The following LHX1 variants were observed in gnomAD, a reference collection of about 807,000 sequenced individuals.
LHX1 encodes the protein LIM/homeobox protein Lhx1.
In LHX1, 9 loss-of-function variants were observed where a neutral mutation model predicts 34.1. The observed-to-expected ratio is 0.26, with a 90% CI of 0.16 to 0.46. The LOEUF is 0.46. LHX1 is among the 20% of genes least tolerant of loss of function. The pLI, the probability that LHX1 is intolerant of heterozygous loss-of-function variation, is 1.00. For missense variants in LHX1, 446 were observed against 559.1 expected (o/e 0.80, Z 2.04); for synonymous variants, 254 against 241.5 (o/e 1.05, Z -0.48).
In LHX1 at chr17:36,943,197, GA is replaced by G. The variant is rs35033250; in HGVS notation, c.*77del. The G allele has an allele frequency of 0.012, 15,867 of 1,303,952 alleles. 118 individuals are homozygous for G. The highest frequency in any genetic ancestry group is 0.046 in the African/African-American group (3,088 of 66,610). The allele number at this position is 1,303,952 out of a possible 1,614,324, so 80.8% of individuals were successfully genotyped here. ...AATGAACCTTTATTTAAGAAAAATA[GA>G]AAAAAAAAAACATAAAAAGCAAGTC... is the stretch of plus-strand genomic sequence containing the variant. On this transcript the variant is annotated 3_prime_UTR_variant, in exon 5 of 5. Transcript: ENST00000614239.
rs1418434233 is a variant in LHX1 at position 36,940,764 on chromosome 17, C to T, written c.552C>T (p.Arg184=). The part of the protein sequence containing the change: ...QNLGAKRRGP[R]TTIKAKQLET... ...TGGGCGCCAAGCGGCGGGGACCGCG[C>T]ACCACCATCAAAGCCAAGCAGCTGG... is the stretch of plus-strand genomic sequence containing the variant. The change falls in exon 3 of 5, where the codon CGC becomes CGT. Residue 184 remains arginine (R), a synonymous_variant. Coordinates refer to ENST00000614239, the MANE Select transcript of LHX1 (RefSeq NM_005568.5). 3 of 1,613,582 alleles carry T rather than the reference C, an allele frequency of 1.9e-6. No individual in the cohort carries two copies. Among genetic ancestry groups the T allele is most frequent in the Admixed American group, 3.3e-5 (2 of 60,028 alleles).
At chr17:36,938,886 A>G in intron 1 of LHX1, 1 of 259,884 alleles carries the variant, frequency 3.8e-6, no homozygotes, top group South Asian at 4.3e-5. Flanking sequence ...TCGGCCTTAA[A>G]GCCGATCCTG....
chr17:36,938,955 T>C (rs1255408450), intron 1 of LHX1: 1 of 197,620 alleles, frequency 5.1e-6, no homozygotes, highest in Non-Finnish European at 1.1e-5. Context: ...CTGGACAAAC[T>C]GCTGCACTGT....
At chr17:36,941,202 C>T in intron 3 of LHX1, 1 of 644,710 alleles carries the variant, frequency 1.6e-6, no homozygotes, top group Non-Finnish European at 2.9e-6. Context: ...TGCACATACC[C>T]CACCCCACCT....
chr17:36,939,919 T>G, intron 1 of LHX1: 4 of 401,630 alleles, frequency 1.0e-5, no homozygotes, highest in Non-Finnish European at 1.8e-5. Flanking sequence ...AAGTGCCCCG[T>G]TCCCCCCGCC....
In LHX1 at chr17:36,942,967, G is replaced by C. The variant is rs746882089; in HGVS notation, c.1057G>C (p.Asp353His). The C allele has an allele frequency of 6.8e-6, 11 of 1,610,536 alleles. No individual in the cohort carries two copies. The Admixed American group carries it at 1.8e-4, about 27-fold the overall frequency. Residue 353 changes from aspartate (D) to histidine (H), a missense_variant, in exon 5 of 5, where the codon GAC becomes CAC. Asp to His is a moderately conservative substitution (Grantham distance 81). Coordinates refer to ENST00000614239, the MANE Select transcript of LHX1 (RefSeq NM_005568.5). ...FTDILAHPPGDSPSPEPSLPG... is the reference protein window; with the variant it reads ...FTDILAHPPGHSPSPEPSLPG... ...CGACATCCTGGCGCACCCACCCGGG[G>C]ACTCGCCCAGCCCCGAGCCCAGCCT...
Position 36,937,771 on chromosome 17 carries a change from C to T in LHX1, c.-427C>T, listed in dbSNP as rs1398723311. 2 of 471,722 alleles carry T rather than the reference C, an allele frequency of 4.2e-6. No individual in the cohort carries two copies. Among genetic ancestry groups the T allele is most frequent in the Admixed American group, 2.3e-5 (1 of 42,866 alleles). The allele number at this position is 471,722 out of a possible 1,614,324, so 29.2% of individuals were successfully genotyped here. A position where few individuals can be genotyped will look rare whatever the true frequency, so the allele number is the denominator to read the frequency against. On this transcript the variant is annotated 5_prime_UTR_variant, in exon 1 of 5. Coordinates refer to ENST00000614239, the MANE Select transcript of LHX1 (RefSeq NM_005568.5). ...TCAAGCCCCGGAGAACTCAGCGGCG[C>T]TTTCCTCGCAACCCGAGCTCGGCGA...
Position 36,942,294 on chromosome 17 carries a change from G to A in LHX1, c.770G>A (p.Arg257Gln). The change falls in exon 4 of 5, where the codon CGG becomes CAG. Residue 257 changes from arginine to glutamine, a missense_variant. Coordinates refer to ENST00000614239, the MANE Select transcript of LHX1 (RefSeq NM_005568.5). ...RRHAFFRSPRRMRPLVDRLEP... is the reference protein window; with the variant it reads ...RRHAFFRSPRQMRPLVDRLEP... ...CACGCCTTCTTCCGCAGTCCGCGCC[G>A]GATGCGGCCGCTGGTGGACCGCCTG... 1.3e-6 allele frequency: 2 copies of A among 1,594,622 alleles called. No homozygotes were observed. The highest frequency in any genetic ancestry group is 8.5e-7 in the Non-Finnish European group (1 of 1,172,172).
upstream of LHX1, chr17:36,937,019 C>A (rs557757920): frequency 9.3e-5 from 25 of 268,498 alleles, no homozygotes; most frequent in Non-Finnish European, 1.2e-4. Flanking sequence ...TCCTCCCCGA[C>A]TCCTCCCGCT....
Position 36,938,073 on chromosome 17 carries a change from G to A in LHX1, c.-125G>A, listed in dbSNP as rs868071085. 4 of 933,294 alleles carry A rather than the reference G, an allele frequency of 4.3e-6. No individual in the cohort carries two copies. The highest frequency in any genetic ancestry group is 4.3e-5 in the South Asian group (3 of 70,058). The allele number at this position is 933,294 out of a possible 1,614,324, so 57.8% of individuals were successfully genotyped here. On this transcript the variant is annotated 5_prime_UTR_variant, in exon 1 of 5. Transcript: ENST00000614239. ...TCCTGGTGCGAGTTTTGGCTTGCAC[G>A]GCCGAGTGTGTGTCCTCTTTTTGGA...
upstream of LHX1, chr17:36,937,186 G>A (rs769721954): frequency 2.6e-5 from 12 of 453,050 alleles, no homozygotes; most frequent in South Asian, 1.9e-4. Context: ...GAGCGATGCG[G>A]GGCTGTGCGC....
chr17:36,943,393 A>C lies in LHX1; in HGVS notation c.*262A>C. On this transcript the variant is annotated 3_prime_UTR_variant, in exon 5 of 5. Coordinates refer to ENST00000614239, the MANE Select transcript of LHX1 (RefSeq NM_005568.5). ...CCAAAGGAAACGCAGACCTCTCCCC[A>C]ACTCCCACCTGGACCCGGATCCGTA... 2.2e-6 allele frequency: 1 copy of C among 446,924 alleles called. No individual in the cohort carries two copies. The highest frequency in any genetic ancestry group is 3.6e-5 in the East Asian group (1 of 27,432). 27.7% of individuals were successfully genotyped at this position (446,924 alleles called of 1,614,324 possible). A position where few individuals can be genotyped will look rare whatever the true frequency, so the allele number is the denominator to read the frequency against.
intron 1 of LHX1, chr17:36,939,952 C>G (rs77507944): frequency 4.1e-5 from 20 of 491,466 alleles, no homozygotes; most frequent in Non-Finnish European, 6.6e-5. Context: ...TGCCTTGCCA[C>G]CTTCTTTAGA....
intron 4 of LHX1, 69 bp downstream of exon 4, chr17:36,942,434 CG>C (rs912760449): frequency 9.6e-6 from 14 of 1,456,922 alleles, no homozygotes; most frequent in South Asian, 3.7e-5. Flanking sequence ...GGTGGCAGCG[CG>C]GGGGGGCACG....
intron 4 of LHX1, 101 bp from the exon 5 acceptor site, chr17:36,942,651 C>G: frequency 7.9e-7 from 1 of 1,271,326 alleles, no homozygotes; most frequent in Non-Finnish European, 1.1e-6. Context: ...GTTCCCCGCG[C>G]GGCCTTCCTC....
intron 4 of LHX1, 44 bp from the exon 5 acceptor site, chr17:36,942,708 C>G (rs768354752): frequency 2.1e-6 from 3 of 1,447,358 alleles, no homozygotes. Context: ...CCGCCGGCCC[C>G]CGGCCGGGCC....
chr17:36,942,755 A>G lies in LHX1; in HGVS notation c.845A>G (p.Tyr282Cys). ...PNGPFSFYGD[Y>C]QSEYYGPGGN... ...CGCCCTCCCCGCCGCTCCGCAGATT[A>G]CCAGAGCGAGTACTACGGGCCCGGG... Residue 282 changes from tyrosine (Y) to cysteine (C), a missense_variant, in exon 5 of 5, where the codon TAC becomes TGC. This residue lies in a region of LHX1 where 235 missense variants were observed against 224.4 expected (regional missense o/e 1.05). Coordinates refer to ENST00000614239, the MANE Select transcript of LHX1 (RefSeq NM_005568.5). 2 of 1,519,464 alleles carry G rather than the reference A, an allele frequency of 1.3e-6. No individual in the cohort carries two copies. Among genetic ancestry groups the G allele is most frequent in the Non-Finnish European group, 1.8e-6 (2 of 1,132,894 alleles). 94.1% of individuals were successfully genotyped at this position (1,519,464 alleles called of 1,614,324 possible).
rs1188901970 is a variant in LHX1 at position 36,938,323 on chromosome 17, C to T, written c.126C>T (p.Cys42=). Residue 42 remains cysteine, a synonymous_variant, in exon 1 of 5, where the codon TGC becomes TGT. Transcript: ENST00000614239. ...CECKCNLTEK[C]FSREGKLYCK... The stretch of plus-strand genomic sequence containing the variant: ...GTAAATGCAACCTGACCGAGAAGTG[C>T]TTCTCCAGGGAAGGCAAACTCTACT... The T allele has an allele frequency of 5.6e-6, 9 of 1,614,224 alleles. No individual in the cohort carries two copies. Among genetic ancestry groups the T allele is most frequent in the African/African-American group, 1.3e-5 (1 of 75,068 alleles).
chr17:36,940,258 C>CGGGGGGGGGGGGGGGGGGGGGGGGG, intron 1 of LHX1, 32 bp from the exon 2 acceptor site: 2 of 528,908 alleles, frequency 3.8e-6, no homozygotes, highest in Non-Finnish European at 6.7e-6. Context: ...GACCCATCCC[C>CGGGGGGGGGGGGGGGGGGGGGGGGG]GCCCCCGCCC....
Sources: gnomAD v4.1 joint callset for allele counts on GRCh38, gnomAD v4.1.1 for gene constraint, gnomAD v4.1.1 regional missense constraint, MANE v1.5 for transcripts, NCBI Gene and HGNC (gene_info 2026-07-23, HGNC 2026-07-21) for gene names.